Variants in NTNG1 observed in about 807,000 individuals in gnomAD.
NTNG1 encodes netrin-G1.
Under a neutral mutation model 54.0 loss-of-function variants are expected in NTNG1, and 16 were observed. That is an observed-to-expected ratio of 0.30 (90% CI 0.20 to 0.45). NTNG1 has a LOEUF of 0.45. Ranked by LOEUF, NTNG1 falls within the 20% of genes least tolerant of loss-of-function variation. The pLI is 1.00. For synonymous variants in NTNG1, 255 were observed against 263.1 expected (o/e 0.97, Z 0.30); for missense variants, 530 against 678.7 (o/e 0.78, Z 2.43).
intron 3 of NTNG1, among the ~76,000 whole-genome samples, chr1:107,391,411 G>T (rs1672352488): frequency 6.6e-6 from 1 of 152,178 alleles, no homozygotes; most frequent in Admixed American, 6.5e-5. Flanking sequence ...TAATAAACCA[G>T]ATCAAAGATG....
chr1:107,398,762 TCTC>T (rs1672842953), intron 4 of NTNG1, among the ~76,000 whole-genome samples: 1 of 152,162 alleles, frequency 6.6e-6, no homozygotes, highest in Admixed American at 6.6e-5. Context: ...ACATTTTTCT[TCTC>T]CTTATTGATC....
At chr1:107,248,157 C>T (rs1034833731) in intron 2 of NTNG1, among the ~76,000 whole-genome samples, 4 of 152,132 alleles carry the variant, frequency 2.6e-5, no homozygotes, top group African/African-American at 9.7e-5. Context: ...GTCTCCAAGT[C>T]AGAAGTTAAG....
intron 2 of NTNG1, among the ~76,000 whole-genome samples, chr1:107,310,044 G>T (rs1464516989): frequency 2.0e-5 from 3 of 152,018 alleles, no homozygotes; most frequent in Non-Finnish European, 4.4e-5. Context: ...ATGACAAATA[G>T]AAAGCCCCTT....
At chr1:107,342,405 A>G (rs1022551312) in intron 3 of NTNG1, among the ~76,000 whole-genome samples, 38 of 152,156 alleles carry the variant, frequency 2.5e-4, no homozygotes, top group African/African-American at 9.2e-4. Context: ...ACTATAAAAA[A>G]TGTAAAATAT....
chr1:107,365,314 C>G (rs1003072316), intron 3 of NTNG1, among the ~76,000 whole-genome samples: 3 of 151,984 alleles, frequency 2.0e-5, no homozygotes, highest in Non-Finnish European at 4.4e-5. Flanking sequence ...TAGGAACTGT[C>G]CAAAAAAGTA....
At chr1:107,148,897 A>G (rs2101014358) in intron 2 of NTNG1, 58 bp downstream of exon 2, 15 of 1,521,450 alleles carry the variant, frequency 9.9e-6, no homozygotes, top group Non-Finnish European at 2.7e-6. Flanking sequence ...TCGCATATGC[A>G]TACAGATGTG....
chr1:107,359,983 C>G lies in NTNG1; in HGVS notation c.887+35061C>G, dbSNP rs953970667. 9.9e-5 allele frequency among the ~76,000 whole-genome samples: 15 copies of G among 152,232 alleles called. 1 individual carries two copies. In the East Asian group the frequency reaches 1.9e-3, roughly 20 times the overall value. ...GATATATCTTATTTGGTCGACACAA[C>G]ATTTTACTTATTTTTTATTTGCATA... is the stretch of plus-strand genomic sequence containing the variant. On this transcript the variant is annotated intron_variant, in intron 3 of 7. Coordinates refer to ENST00000370068, the MANE Select transcript of NTNG1 (RefSeq NM_001113226.3).
intron 2 of NTNG1, among the ~76,000 whole-genome samples, chr1:107,206,410 G>A (rs981355977): frequency 3.3e-5 from 5 of 151,874 alleles, no homozygotes; most frequent in Non-Finnish European, 5.9e-5. Context: ...ATCTTTTTAC[G>A]TTTACTGGCC....
At chr1:107,255,660 C>T (rs1217117904) in intron 2 of NTNG1, among the ~76,000 whole-genome samples, 1 of 152,126 alleles carries the variant, frequency 6.6e-6, no homozygotes, top group Admixed American at 6.5e-5. Context: ...TCAAGTTTTT[C>T]AACTTACCAC....
chr1:107,283,212 C>T (rs1160574045), intron 2 of NTNG1, among the ~76,000 whole-genome samples: 1 of 152,144 alleles, frequency 6.6e-6, no homozygotes, highest in Admixed American at 6.6e-5. Flanking sequence ...CTGATTTCTA[C>T]CACTCAGTTG....
rs376253763 is a variant in NTNG1, at chr1:107,181,099, C to G, written c.246+32260C>G. Among the ~76,000 whole-genome samples the G allele has an allele frequency of 3.9e-5, 6 of 152,266 alleles. No individual in the cohort carries two copies. The East Asian group carries it at 9.6e-4, about 24-fold the overall frequency. ...TATTTTGGTGAAAAATAGAGTCAATCACACTTGCACAAGATTAGCTGAGCA... is the reference window on the plus strand; with the variant it reads ...TATTTTGGTGAAAAATAGAGTCAATGACACTTGCACAAGATTAGCTGAGCA... On this transcript the variant is annotated intron_variant, in intron 2 of 7. Coordinates refer to ENST00000370068, the MANE Select transcript of NTNG1 (RefSeq NM_001113226.3).
At chr1:107,253,691 C>T (rs1027692061) in intron 2 of NTNG1, among the ~76,000 whole-genome samples, 1 of 152,200 alleles carries the variant, frequency 6.6e-6, no homozygotes, top group African/African-American at 2.4e-5. Flanking sequence ...CAGTGTTGCT[C>T]CTGTTTCCTC....
chr1:107,444,302 G>A (rs983750285), intron 7 of NTNG1, among the ~76,000 whole-genome samples: 3 of 152,128 alleles, frequency 2.0e-5, no homozygotes, highest in Non-Finnish European at 4.4e-5. Flanking sequence ...CAGGGCTTAT[G>A]CTGTGGAAAG....
At chr1:107,334,803 A>G (rs1339114488) in intron 3 of NTNG1, among the ~76,000 whole-genome samples, 1 of 152,006 alleles carries the variant, frequency 6.6e-6, no homozygotes, top group African/African-American at 2.4e-5. Context: ...AGTTCAATAA[A>G]TATTTATTGA....
intron 2 of NTNG1, among the ~76,000 whole-genome samples, chr1:107,280,309 A>C (rs1339815825): frequency 6.6e-6 from 1 of 150,460 alleles, no homozygotes; most frequent in Admixed American, 6.6e-5. Flanking sequence ...TTGCAACTCT[A>C]CTAGATGTTC....
At chr1:107,172,838 TAG>T (rs1656353860) in intron 2 of NTNG1, among the ~76,000 whole-genome samples, 1 of 152,126 alleles carries the variant, frequency 6.6e-6, no homozygotes, top group Non-Finnish European at 1.5e-5. Context: ...TTTCGAGCAA[TAG>T]GTACTTGGTA....
intron 2 of NTNG1, among the ~76,000 whole-genome samples, chr1:107,216,918 C>T (rs1277275815): frequency 1.3e-5 from 2 of 152,024 alleles, no homozygotes; most frequent in East Asian, 1.9e-4. Context: ...ACCTCATGAT[C>T]CACCCTCCTC....
chr1:107,292,459 C>T (rs1478287119), intron 2 of NTNG1, among the ~76,000 whole-genome samples: 1 of 152,162 alleles, frequency 6.6e-6, no homozygotes. Flanking sequence ...AGGCGATCCT[C>T]ACGTGATGGT....
At chr1:107,480,575 C>CCG in intron 7 of NTNG1, 36 bp from the exon 8 acceptor site, 1 of 512,238 alleles carries the variant, frequency 2.0e-6, no homozygotes, top group Non-Finnish European at 3.8e-6. Context: ...CTCCTCCCCG[C>CCG]GCCCACCCAC....
Sources: gnomAD v4.1 joint callset for allele counts (sites outside exome capture counted in the v4.1 genomes callset) on GRCh38, gnomAD v4.1.1 for gene constraint, MANE v1.5 for transcripts, NCBI Gene and HGNC (gene_info 2026-07-23, HGNC 2026-07-21) for gene names.